SGMS1: variants seen among roughly 807,000 people sequenced by gnomAD.
SGMS1 encodes phosphatidylcholine:ceramide cholinephosphotransferase 1.
SGMS1 carries 13 observed loss-of-function variants against 46.2 expected under a neutral mutation model. The ratio of observed to expected loss-of-function variants is 0.28; its 90% confidence interval spans 0.18 to 0.45. The LOEUF (loss-of-function observed/expected upper bound fraction) is 0.45. Among genes scored for constraint, SGMS1 ranks in the 20% least tolerant of loss-of-function variants. The pLI is 1.00. For missense variants in SGMS1, 324 were observed against 519.9 expected (o/e 0.62, Z 3.66); for synonymous variants, 203 against 187.8 (o/e 1.08, Z -0.66).
chr10:50,374,687 C>T (rs1037636799), intron 6 of SGMS1, among the ~76,000 whole-genome samples: 1 of 152,104 alleles, frequency 6.6e-6, no homozygotes, highest in Non-Finnish European at 1.5e-5. Context: ...ATCCTCTTCC[C>T]TCCTCTTAAG....
chr10:50,355,805 C>T (rs956933078), intron 6 of SGMS1, among the ~76,000 whole-genome samples: 7 of 151,370 alleles, frequency 4.6e-5, no homozygotes, highest in African/African-American at 1.7e-4. Flanking sequence ...TCTTCCCAGC[C>T]GTCATCCCGT....
intron 6 of SGMS1, among the ~76,000 whole-genome samples, chr10:50,385,713 A>C (rs1162777919): frequency 1.3e-5 from 2 of 152,158 alleles, no homozygotes; most frequent in Non-Finnish European, 1.5e-5. Flanking sequence ...ATGTCAGATG[A>C]GCTAGGAAGG....
intron 6 of SGMS1, among the ~76,000 whole-genome samples, chr10:50,358,103 G>A (rs1405516975): frequency 6.6e-6 from 1 of 152,038 alleles, no homozygotes; most frequent in East Asian, 1.9e-4. Context: ...AACACAGTGA[G>A]ACAACATCTC....
At chr10:50,431,949 T>A (rs1325283881) in intron 6 of SGMS1, among the ~76,000 whole-genome samples, 4 of 152,208 alleles carry the variant, frequency 2.6e-5, no homozygotes, top group African/African-American at 9.6e-5. Context: ...CAAGAAACTG[T>A]TCTAAATTCT....
chr10:50,422,578 G>A (rs543395660), intron 6 of SGMS1, among the ~76,000 whole-genome samples: 2 of 152,272 alleles, frequency 1.3e-5, no homozygotes, highest in South Asian at 2.1e-4. Context: ...CAAGTCATTC[G>A]ATCTTCCCTT....
At chr10:50,517,632 T>C (rs1003054090) in intron 3 of SGMS1, among the ~76,000 whole-genome samples, 14 of 152,076 alleles carry the variant, frequency 9.2e-5, no homozygotes, top group Admixed American at 8.5e-4. Flanking sequence ...CATTGAGAGC[T>C]GAAAAATGTT....
intron 5 of SGMS1, among the ~76,000 whole-genome samples, chr10:50,448,676 G>A (rs759828052): frequency 1.2e-4 from 18 of 149,376 alleles, no homozygotes; most frequent in African/African-American, 3.2e-4. Context: ...CCCGGGAGGC[G>A]GAGGTTGTGG....
At chr10:50,374,347 T>C (rs1848491376) in intron 6 of SGMS1, among the ~76,000 whole-genome samples, 1 of 152,094 alleles carries the variant, frequency 6.6e-6, no homozygotes, top group Admixed American at 6.6e-5. Flanking sequence ...GCTTAGTAAA[T>C]TGCAATTCCA....
chr10:50,395,714 C>T (rs753802598), intron 6 of SGMS1, among the ~76,000 whole-genome samples: 2 of 152,186 alleles, frequency 1.3e-5, no homozygotes, highest in South Asian at 2.1e-4. Flanking sequence ...AATATTCTTA[C>T]GAGGAAAATG....
intron 3 of SGMS1, among the ~76,000 whole-genome samples, chr10:50,508,698 C>A (rs12267134): frequency 0.043 from 6,520 of 152,190 alleles, 477 homozygotes; most frequent in African/African-American, 0.15. Context: ...ATTCTCTATA[C>A]CTTTTGGACC....
At chr10:50,419,344 T>G (rs928031398) in intron 6 of SGMS1, among the ~76,000 whole-genome samples, 6 of 152,236 alleles carry the variant, frequency 3.9e-5, no homozygotes, top group African/African-American at 1.4e-4. Context: ...CTTTCCTATG[T>G]TAAATATCTA....
intron 5 of SGMS1, among the ~76,000 whole-genome samples, chr10:50,449,857 CT>C (rs11289602): frequency 0.86 from 129,185 of 150,856 alleles, 55,521 homozygotes; most frequent in East Asian, 1. Context: ...GTTGGTTGTT[CT>C]TTTTTTTTTC....
chr10:50,492,276 C>G (rs550422348), intron 3 of SGMS1, among the ~76,000 whole-genome samples: 14 of 152,312 alleles, frequency 9.2e-5, no homozygotes, highest in African/African-American at 3.4e-4. Flanking sequence ...GATGCCCTGT[C>G]TCACCACTCC....
intron 5 of SGMS1, among the ~76,000 whole-genome samples, chr10:50,452,111 G>C (rs1177755678): frequency 6.6e-6 from 1 of 151,134 alleles, no homozygotes; most frequent in African/African-American, 2.4e-5. Flanking sequence ...TACTTAGAAG[G>C]GTAAAATATA....
intron 6 of SGMS1, among the ~76,000 whole-genome samples, chr10:50,350,886 CAT>C (rs1389970131): frequency 6.6e-6 from 1 of 152,162 alleles, no homozygotes; most frequent in Admixed American, 6.5e-5. Flanking sequence ...AGAGCCCCCA[CAT>C]AGAGTTCCTA....
At chr10:50,505,826 G>A (rs1837702006) in intron 3 of SGMS1, among the ~76,000 whole-genome samples, 1 of 152,250 alleles carries the variant, frequency 6.6e-6, no homozygotes, top group South Asian at 2.1e-4. Flanking sequence ...GCAGAGGCCC[G>A]AGGAATGGGG....
intron 2 of SGMS1, among the ~76,000 whole-genome samples, chr10:50,532,404 A>C (rs547697189): frequency 2.6e-5 from 4 of 152,240 alleles, no homozygotes; most frequent in African/African-American, 9.6e-5. Flanking sequence ...TGTTTGCATC[A>C]ATTTTTCTTA....
At chr10:50,408,406 G>C (rs939740315) in intron 6 of SGMS1, among the ~76,000 whole-genome samples, 3 of 144,952 alleles carry the variant, frequency 2.1e-5, no homozygotes, top group Admixed American at 7.0e-5. Context: ...GACCAGCCTG[G>C]GCAATATACT....
At chr10:50,624,958 G>A, upstream of SGMS1, 3 of 1,027,832 alleles carry the variant, frequency 2.9e-6, no homozygotes, top group South Asian at 2.8e-5. Context: ...GCCATCTTCC[G>A]CCCGGCCATC....
Sources: gnomAD v4.1 joint callset for allele counts (sites outside exome capture counted in the v4.1 genomes callset) on GRCh38, gnomAD v4.1.1 for gene constraint, MANE v1.5 for transcripts, NCBI Gene and HGNC (gene_info 2026-07-23, HGNC 2026-07-21) for gene names.